XRRA1: variants seen among roughly 807,000 people sequenced by gnomAD.
XRRA1 encodes X-ray radiation resistance associated 1, also known as X-ray radiation resistance-associated protein 1.
A neutral mutation model predicts 80.2 loss-of-function variants in XRRA1; 69 were observed. The observed-to-expected ratio is 0.86, with a 90% CI of 0.71 to 1.05. The LOEUF (loss-of-function observed/expected upper bound fraction) is 1.05, where lower values mean the gene tolerates loss of function less well. Ranked by LOEUF, XRRA1 falls within the 50% of genes least tolerant of loss-of-function variation. The probability of loss-of-function intolerance (pLI) is 0.00; values close to 1 mark genes in which losing one functional copy is unlikely to be tolerated. For synonymous variants in XRRA1, 348 were observed against 389.9 expected, an observed-to-expected ratio of 0.89 and a Z score of 1.27; for missense variants, 967 against 976.4, an observed-to-expected ratio of 0.99 and a Z score of 0.13.
intron 10 of XRRA1, among the ~76,000 whole-genome samples, chr11:74,881,475 T>C (rs1456275211): frequency 6.7e-6 from 1 of 149,802 alleles, no homozygotes; most frequent in African/African-American, 2.5e-5. Flanking sequence ...TTAAAGTTAA[T>C]ATTGTTATGT....
chr11:74,888,993 C>T (rs533952975), intron 10 of XRRA1, among the ~76,000 whole-genome samples: 2 of 152,308 alleles, frequency 1.3e-5, no homozygotes, highest in South Asian at 4.1e-4. Context: ...GGATATTATC[C>T]AGGAGAACTT....
chr11:74,890,359 C>A (rs1175248183), intron 10 of XRRA1, among the ~76,000 whole-genome samples: 17 of 152,132 alleles, frequency 1.1e-4, no homozygotes, highest in Admixed American at 1.1e-3. Flanking sequence ...CCAATGAGAA[C>A]AAAGACACAA....
chr11:74,891,254 C>A (rs2050618010), intron 10 of XRRA1, among the ~76,000 whole-genome samples: 1 of 152,174 alleles, frequency 6.6e-6, no homozygotes, highest in Non-Finnish European at 1.5e-5. Flanking sequence ...TCAACATATG[C>A]AAATCAATAA....
In XRRA1 at chr11:74,906,350, G is replaced by A. The variant is rs954749790; in HGVS notation, c.892C>T (p.Pro298Ser). The change falls in exon 10 of 19, where the codon CCC (proline) becomes TCC (serine). Residue 298 changes from proline (P) to serine (S), a missense_variant. Coordinates refer to ENST00000684022, the MANE Select transcript of XRRA1 (RefSeq NM_001378157.1). ...AGCATGAATTGGGGCTCTTTATGGG[G>A]ACTTCCCCTGCCTCCATTCCAGTCT... ...SVDWNGGRGS[P>S]HKEPQFMLQS... The A allele has an allele frequency of 6.2e-7, 1 of 1,613,860 alleles. No homozygotes were observed. The highest frequency in any genetic ancestry group is 1.3e-5 in the African/African-American group (1 of 74,920).
intron 15 of XRRA1, among the ~76,000 whole-genome samples, chr11:74,846,921 T>C (rs1423236645): frequency 2.0e-5 from 3 of 149,282 alleles, no homozygotes; most frequent in Non-Finnish European, 4.5e-5. Context: ...AAAAAAAGAT[T>C]TTTTTTTTTT....
rs993402334 is a variant in XRRA1 at position 74,859,286 on chromosome 11, TAGAA to T, written c.1045-7_1045-4del. The stretch of plus-strand genomic sequence containing the variant: ...GGAAGTGAACATATCTTGGTTGTCT[TAGAA>T]AGAAGGAAAAGTCAAAATCAAAGTG... On this transcript the variant is annotated splice_polypyrimidine_tract_variant and splice_region_variant and intron_variant, in intron 11 of 18. Coordinates refer to ENST00000684022, the MANE Select transcript of XRRA1 (RefSeq NM_001378157.1). The T allele has an allele frequency of 1.2e-6, 2 of 1,601,956 alleles. No individual in the cohort carries two copies. Among genetic ancestry groups the T allele is most frequent in the South Asian group, 1.1e-5 (1 of 88,496 alleles).
intron 8 of XRRA1, among the ~76,000 whole-genome samples, chr11:74,907,899 G>A (rs915815435): frequency 6.6e-6 from 1 of 152,154 alleles, no homozygotes; most frequent in African/African-American, 2.4e-5. Flanking sequence ...ATTTATGGGG[G>A]TGATGCCCTG....
intron 18 of XRRA1, 122 bp downstream of exon 18, chr11:74,843,732 G>C: frequency 1.1e-6 from 1 of 917,676 alleles, no homozygotes; most frequent in Non-Finnish European, 1.7e-6. Flanking sequence ...TCTACATGTA[G>C]AGACTGATGT....
chr11:74,869,081 C>T (rs2044156800), intron 10 of XRRA1, among the ~76,000 whole-genome samples: 1 of 151,974 alleles, frequency 6.6e-6, no homozygotes, highest in South Asian at 2.1e-4. Context: ...ATTCTAAAGT[C>T]AACCACACAA....
At chr11:74,848,617 G>A (rs1165311558) in intron 14 of XRRA1, among the ~76,000 whole-genome samples, 155 bp from the exon 15 acceptor site, 5 of 152,190 alleles carry the variant, frequency 3.3e-5, no homozygotes, top group Non-Finnish European at 1.5e-5. Context: ...GGGCATCTAT[G>A]ATGTGCCCCA....
intron 7 of XRRA1, among the ~76,000 whole-genome samples, chr11:74,924,566 G>A (rs1199103170): frequency 1.3e-5 from 2 of 152,232 alleles, no homozygotes; most frequent in East Asian, 3.8e-4. Context: ...GGGCGTGGTG[G>A]CTCACGCCTG....
At chr11:74,934,772 G>A (rs976820101) in intron 4 of XRRA1, among the ~76,000 whole-genome samples, 1 of 152,104 alleles carries the variant, frequency 6.6e-6, no homozygotes, top group African/African-American at 2.4e-5. Flanking sequence ...AAGGAGTGTG[G>A]ATTTTATCCT....
chr11:74,881,332 CCT>C (rs920110083), intron 10 of XRRA1, among the ~76,000 whole-genome samples: 3 of 151,482 alleles, frequency 2.0e-5, no homozygotes, highest in Non-Finnish European at 4.4e-5. Context: ...CTTCCTCCAT[CCT>C]TTTATTTTGA....
intron 5 of XRRA1, among the ~76,000 whole-genome samples, 156 bp from the exon 6 acceptor site, chr11:74,930,528 G>A (rs1044141695): frequency 6.6e-6 from 1 of 152,176 alleles, no homozygotes; most frequent in Non-Finnish European, 1.5e-5. Flanking sequence ...AGTGCTGTAA[G>A]GGTTTTCCTG....
intron 12 of XRRA1, among the ~76,000 whole-genome samples, chr11:74,854,208 C>G (rs2040553471): frequency 6.6e-6 from 1 of 152,146 alleles, no homozygotes; most frequent in Non-Finnish European, 1.5e-5. Flanking sequence ...GTTGGATACA[C>G]TGGTCTGGAA....
In XRRA1 at chr11:74,851,293, AT is replaced by A. The variant is rs549954462; in HGVS notation, c.1265-91del. The A allele has an allele frequency of 7.4e-5, 69 of 932,232 alleles. No individual in the cohort carries two copies. In the African/African-American group the frequency reaches 1.1e-3, roughly 15 times the overall value. 57.7% of individuals were successfully genotyped at this position (932,232 alleles called of 1,614,324 possible). ...CCAGGCACTATTCAAATTGCTTTAC[AT>A]GTATTACTGAAACTTATTCTCAACC... is the stretch of plus-strand genomic sequence containing the variant. On this transcript the variant is annotated intron_variant, in intron 13 of 18. Coordinates refer to ENST00000684022, the MANE Select transcript of XRRA1 (RefSeq NM_001378157.1).
chr11:74,876,651 G>A (rs909773365), intron 10 of XRRA1: 1 of 152,170 alleles, frequency 6.6e-6, no homozygotes, highest in Non-Finnish European at 1.5e-5. Flanking sequence ...CACAGGAATG[G>A]ACTCCTGGAT....
At chr11:74,860,246 C>T (rs1009418158) in intron 11 of XRRA1, among the ~76,000 whole-genome samples, 3 of 152,140 alleles carry the variant, frequency 2.0e-5, no homozygotes, top group Admixed American at 6.6e-5. Flanking sequence ...CAAAAACCAG[C>T]GACTGTGTTT....
In XRRA1 at chr11:74,842,152, GA is replaced by G. The variant is rs1333620397; in HGVS notation, c.*1047del. ...ACCTGCTGTCTGCTTTAGGATTGGA[GA>G]AGGTACCTGGATCCTTGTGGACTGC... On this transcript the variant is annotated 3_prime_UTR_variant, in exon 19 of 19. Coordinates refer to ENST00000684022, the MANE Select transcript of XRRA1 (RefSeq NM_001378157.1). The G allele has an allele frequency of 6.6e-6, 1 of 152,192 alleles. No homozygotes were observed. The highest frequency in any genetic ancestry group is 1.5e-5 in the Non-Finnish European group (1 of 68,042). 9.4% of individuals were successfully genotyped at this position (152,192 alleles called of 1,614,324 possible).
Sources: gnomAD v4.1 joint callset for allele counts (sites outside exome capture counted in the v4.1 genomes callset) on GRCh38, gnomAD v4.1.1 for gene constraint, MANE v1.5 for transcripts, NCBI Gene and HGNC (gene_info 2026-07-23, HGNC 2026-07-21) for gene names.